The following PDGFD variants were observed in gnomAD, a reference collection of about 807,000 sequenced individuals.
The protein encoded by PDGFD is platelet derived growth factor D.
PDGFD carries 30 observed loss-of-function variants against 44.7 expected under a neutral mutation model. The ratio of observed to expected loss-of-function variants is 0.67; its 90% CI spans 0.50 to 0.91. The LOEUF (loss-of-function observed/expected upper bound fraction) is 0.91. PDGFD is among the 40% of genes least tolerant of loss of function. The pLI, the probability that PDGFD is intolerant of heterozygous loss-of-function variation, is 0.00. For synonymous variants in PDGFD, 173 were observed against 168.4 expected (o/e 1.03, Z -0.21); for missense variants, 445 against 457.8 (o/e 0.97, Z 0.25).
intron 5 of PDGFD, among the ~76,000 whole-genome samples, chr11:103,939,497 G>A (rs1858549560): frequency 6.6e-6 from 1 of 152,130 alleles, no homozygotes; most frequent in African/African-American, 2.4e-5. Flanking sequence ...CATGTCATCT[G>A]CAAACAGGGA....
chr11:104,108,217 T>G (rs1391672540), intron 1 of PDGFD, among the ~76,000 whole-genome samples: 2 of 151,192 alleles, frequency 1.3e-5, no homozygotes, highest in East Asian at 4.1e-4. Flanking sequence ...GGGATCTAAT[T>G]AAACTAAAGA....
At chr11:104,027,677 G>A (rs1190059331) in intron 1 of PDGFD, among the ~76,000 whole-genome samples, 1 of 152,210 alleles carries the variant, frequency 6.6e-6, no homozygotes, top group Non-Finnish European at 1.5e-5. Context: ...TCCAGTTCTT[G>A]TGTGTGTTTA....
At chr11:103,942,481 C>T (rs1352989314) in intron 5 of PDGFD, among the ~76,000 whole-genome samples, 1 of 151,936 alleles carries the variant, frequency 6.6e-6, no homozygotes, top group Non-Finnish European at 1.5e-5. Flanking sequence ...TCATGATGTT[C>T]TCTCTGCCTT....
chr11:103,921,693 A>C (rs543481553), intron 6 of PDGFD, among the ~76,000 whole-genome samples: 1 of 151,790 alleles, frequency 6.6e-6, no homozygotes, highest in Non-Finnish European at 1.5e-5. Flanking sequence ...ACTGTGATAA[A>C]ATGCAAATGT....
chr11:104,067,021 T>TA (rs1381578036), intron 1 of PDGFD, among the ~76,000 whole-genome samples: 2 of 152,206 alleles, frequency 1.3e-5, no homozygotes, highest in Admixed American at 6.5e-5. Flanking sequence ...AGCTGACTGT[T>TA]ATACGAAGAT....
chr11:104,032,615 T>G (rs1860146237), intron 1 of PDGFD, among the ~76,000 whole-genome samples: 1 of 151,930 alleles, frequency 6.6e-6, no homozygotes, highest in Non-Finnish European at 1.5e-5. Context: ...ATCAACTGAC[T>G]ATCATAACTG....
At chr11:104,159,733 C>A (rs1386577497) in intron 1 of PDGFD, among the ~76,000 whole-genome samples, 2 of 152,142 alleles carry the variant, frequency 1.3e-5, no homozygotes, top group Non-Finnish European at 2.9e-5. Flanking sequence ...TGAAACAATA[C>A]AGTTTTGCTT....
chr11:104,024,011 T>C (rs1207862609), intron 1 of PDGFD, among the ~76,000 whole-genome samples: 1 of 152,182 alleles, frequency 6.6e-6, no homozygotes, highest in Non-Finnish European at 1.5e-5. Flanking sequence ...AGCTTTTCTT[T>C]AGGCAGCCTC....
chr11:104,009,976 A>G (rs766079341), intron 1 of PDGFD, among the ~76,000 whole-genome samples: 9 of 152,152 alleles, frequency 5.9e-5, no homozygotes, highest in Non-Finnish European at 1.2e-4. Flanking sequence ...TTAGTCTTCC[A>G]ATAGCTCACA....
At position 104,140,053 on chromosome 11, in the gene PDGFD, C is replaced by T. The variant is rs1328023016; in HGVS notation, c.124+23751G>A. 3.4e-5 allele frequency among the ~76,000 whole-genome samples: 5 copies of T among 146,910 alleles called. 2 individuals carry two copies. In the East Asian group the frequency reaches 8.1e-4, roughly 24 times the overall value. On this transcript the variant is annotated intron_variant, in intron 1 of 6. Coordinates refer to ENST00000393158, the MANE Select transcript of PDGFD (RefSeq NM_025208.5). ...CCGCAGTCTGGCCTGGGCGACAGAG[C>T]GAGACTCCGTCTCAAAAAAAAAAAA...
intron 1 of PDGFD, among the ~76,000 whole-genome samples, chr11:104,093,793 C>T (rs185624070): frequency 1.3e-5 from 2 of 151,246 alleles, no homozygotes; most frequent in East Asian, 3.9e-4. Context: ...AAAGGCCATT[C>T]CCTCGCATGC....
chr11:104,033,049 G>GGTGTGT (rs34144830), intron 1 of PDGFD, among the ~76,000 whole-genome samples: 428 of 146,332 alleles, frequency 2.9e-3, no homozygotes, highest in African/African-American at 5.1e-3. Flanking sequence ...TATGTTTAGG[G>GGTGTGT]GTGTGTGTGT....
intron 1 of PDGFD, among the ~76,000 whole-genome samples, chr11:104,020,937 A>C (rs1341507814): frequency 6.6e-6 from 1 of 152,192 alleles, no homozygotes; most frequent in Non-Finnish European, 1.5e-5. Context: ...AATGCTACTC[A>C]AAGTGCCTGT....
intron 1 of PDGFD, among the ~76,000 whole-genome samples, chr11:104,005,295 A>G (rs1242172565): frequency 6.6e-6 from 1 of 152,244 alleles, no homozygotes; most frequent in Admixed American, 6.5e-5. Context: ...ATCTGGTTCC[A>G]GAGTAGATGC....
chr11:104,037,183 G>A (rs879486728), intron 1 of PDGFD: 4 of 1,613,426 alleles, frequency 2.5e-6, no homozygotes, highest in African/African-American at 2.7e-5. Flanking sequence ...GCGCACACCC[G>A]CTGCCCAGCG....
chr11:104,125,191 T>G (rs1308357064), intron 1 of PDGFD, among the ~76,000 whole-genome samples: 5 of 152,124 alleles, frequency 3.3e-5, no homozygotes, highest in Non-Finnish European at 7.4e-5. Context: ...AAAATGTGTC[T>G]CCTTCACAGC....
chr11:104,015,939 C>T (rs1015094834), intron 1 of PDGFD, among the ~76,000 whole-genome samples: 3 of 152,110 alleles, frequency 2.0e-5, no homozygotes, highest in African/African-American at 7.2e-5. Flanking sequence ...GCTACAGAGT[C>T]CAAAACCCCA....
chr11:104,063,633 G>T (rs963743419), intron 1 of PDGFD, among the ~76,000 whole-genome samples: 1 of 152,108 alleles, frequency 6.6e-6, no homozygotes, highest in Non-Finnish European at 1.5e-5. Flanking sequence ...CCACATGGCT[G>T]GGGAGGCCTC....
Position 104,163,797 on chromosome 11 carries a change from CTCT to C in PDGFD, c.124+4_124+6del. 6.6e-7 allele frequency: 1 copy of C among 1,523,440 alleles called. No individual in the cohort carries two copies. The allele number at this position is 1,523,440 out of a possible 1,614,324, so 94.4% of individuals were successfully genotyped here. ...TTTTCAGTTAAAAAATAAAATGAGT[CTCT>C]TACCATCTCGCCTGAGGTTGGCGTT... On this transcript the variant is annotated splice_donor_5th_base_variant and intron_variant, in intron 1 of 6. Coordinates refer to ENST00000393158, the MANE Select transcript of PDGFD (RefSeq NM_025208.5).
Sources: gnomAD v4.1 joint callset for allele counts (sites outside exome capture counted in the v4.1 genomes callset) on GRCh38, gnomAD v4.1.1 for gene constraint, MANE v1.5 for transcripts, NCBI Gene and HGNC (gene_info 2026-07-23, HGNC 2026-07-21) for gene names.